Variants in AIMP2 observed in about 807,000 individuals in gnomAD.
The protein encoded by AIMP2 is aminoacyl tRNA synthetase complex interacting multifunctional protein 2, also known as aminoacyl tRNA synthase complex-interacting multifunctional protein 2.
AIMP2 carries 20 observed loss-of-function variants against 23.4 expected under a neutral mutation model. The ratio of observed to expected loss-of-function variants is 0.85; its 90% CI spans 0.60 to 1.24. The LOEUF (loss-of-function observed/expected upper bound fraction) is 1.24, where lower values mean the gene tolerates loss of function less well. Among genes scored for constraint, AIMP2 ranks in the 50% most tolerant of loss-of-function variants. The pLI, the probability that AIMP2 is intolerant of heterozygous loss-of-function variation, is 0.00. For missense variants in AIMP2, 515 were observed against 414.5 expected (o/e 1.24, Z -2.10); for synonymous variants, 210 against 170.4 (o/e 1.23, Z -1.81).
At chr7:6,011,737 C>T (rs10951974) in intron 1 of AIMP2, among the ~76,000 whole-genome samples, 51,497 of 152,054 alleles carry the variant, frequency 0.34, 9,461 homozygotes, top group Non-Finnish European at 0.41. Context: ...GGAAACAGGG[C>T]CCAGTCACCC....
intron 2 of AIMP2, among the ~76,000 whole-genome samples, chr7:6,015,583 G>C (rs2128878255): frequency 6.6e-6 from 1 of 152,318 alleles, no homozygotes; most frequent in Admixed American, 6.5e-5. Flanking sequence ...AATTCGCCGG[G>C]CGTGGTGGCG....
chr7:6,018,984 CACACACAA>C (rs1330150591), intron 3 of AIMP2, among the ~76,000 whole-genome samples: 3 of 150,810 alleles, frequency 2.0e-5, no homozygotes, highest in Non-Finnish European at 3.0e-5. Flanking sequence ...CACACACACA[CACACACAA>C]TACATGGCAC....
chr7:6,021,385 A>C lies in AIMP2; in HGVS notation c.575-1918A>C, dbSNP rs1470312793. ...GAGAACCCTGATTAGAACATCTTGA[A>C]GAGTCTGGAAGGATTACATCATTGA... On this transcript the variant is annotated intron_variant, in intron 3 of 3. Transcript: ENST00000223029. Among the ~76,000 whole-genome samples, 3 of 151,788 alleles carry C rather than the reference A, an allele frequency of 2.0e-5. No homozygotes were observed. In the East Asian group the frequency reaches 5.8e-4, roughly 29 times the overall value.
At chr7:6,019,806 G>A (rs1189910796) in intron 3 of AIMP2, among the ~76,000 whole-genome samples, 4 of 152,020 alleles carry the variant, frequency 2.6e-5, no homozygotes, top group African/African-American at 7.2e-5. Context: ...GGCAGATCAC[G>A]AGGTTAAGAG....
At chr7:6,010,611 G>T (rs1404357156) in intron 1 of AIMP2, among the ~76,000 whole-genome samples, 1 of 151,798 alleles carries the variant, frequency 6.6e-6, no homozygotes, top group Non-Finnish European at 1.5e-5. Flanking sequence ...ACTGGACCCG[G>T]CTAATTTTTC....
intron 1 of AIMP2, among the ~76,000 whole-genome samples, chr7:6,014,250 CTTTTTTTTTTTT>C (rs57008315): frequency 3.0e-5 from 2 of 67,542 alleles, no homozygotes; most frequent in African/African-American, 1.2e-4. Flanking sequence ...TTTGTTGAAG[CTTTTTTTTTTTT>C]TTTTTTTTTT....
chr7:6,014,857 T>G, intron 1 of AIMP2: 3 of 372,278 alleles, frequency 8.1e-6, no homozygotes, highest in South Asian at 5.1e-5. Flanking sequence ...GTAGCTGGGA[T>G]TACAGTTGCG....
chr7:6,018,294 G>A (rs759565860), intron 3 of AIMP2, among the ~76,000 whole-genome samples: 4 of 150,886 alleles, frequency 2.7e-5, no homozygotes, highest in African/African-American at 4.9e-5. Flanking sequence ...TTACAGGCGC[G>A]CACCACCAGG....
chr7:6,020,832 G>C (rs1462964540), intron 3 of AIMP2, among the ~76,000 whole-genome samples: 1 of 152,208 alleles, frequency 6.6e-6, no homozygotes, highest in African/African-American at 2.4e-5. Flanking sequence ...CAGGATTGAA[G>C]GCACGCAGGG....
rs560844337 is a variant in AIMP2, at chr7:6,017,997, C to A, written c.526C>A (p.Gln176Lys). Residue 176 changes from glutamine to lysine, a missense_variant, in exon 3 of 4, where the codon CAG (glutamine) becomes AAG (lysine). Coordinates refer to ENST00000223029, the MANE Select transcript of AIMP2 (RefSeq NM_006303.4). ...GTGCTTTGGAGAACAGAATAAAAAA[C>A]AGCCCCGCCAAGACTATCAGCTGGG... The part of the protein sequence containing the change: ...LKCFGEQNKK[Q>K]PRQDYQLGFT... 4.3e-6 allele frequency: 7 copies of A among 1,614,026 alleles called. No homozygotes were observed. The South Asian group carries it at 7.7e-5, about 18-fold the overall frequency.
At chr7:6,023,157 A>C in intron 3 of AIMP2, 146 bp from the exon 4 acceptor site, 1 of 948,298 alleles carries the variant, frequency 1.1e-6, no homozygotes, top group Non-Finnish European at 1.5e-6. Flanking sequence ...TCTTAGAGAC[A>C]GACTGAAAAT....
intron 3 of AIMP2, chr7:6,023,069 C>T: frequency 1.9e-6 from 1 of 512,974 alleles, no homozygotes; most frequent in Non-Finnish European, 3.3e-6. Flanking sequence ...TCAGAAGTGT[C>T]ATAATCAAAT....
Position 6,019,932 on chromosome 7 carries a change from A to G in AIMP2, c.574+1887A>G, listed in dbSNP as rs186473574. ...AGCTACTTGGAAGCCTGAGGCAGGA[A>G]AATCGCTTCAACCTGGGAGGTGGAG... On this transcript the variant is annotated intron_variant, in intron 3 of 3. Coordinates refer to ENST00000223029, the MANE Select transcript of AIMP2 (RefSeq NM_006303.4). 6.6e-3 allele frequency among the ~76,000 whole-genome samples: 998 copies of G among 151,662 alleles called. 2 individuals carry two copies. The highest frequency in any genetic ancestry group is 0.011 in the Non-Finnish European group (735 of 67,856).
rs1335537270 is a variant in AIMP2 at position 6,017,989 on chromosome 7, A to G, written c.518A>G (p.Asn173Ser). Residue 173 changes from asparagine to serine, a missense_variant, in exon 3 of 4, where the codon AAT (asparagine) becomes AGT (serine). Coordinates refer to ENST00000223029, the MANE Select transcript of AIMP2 (RefSeq NM_006303.4). ...ENLLKCFGEQ[N>S]KKQPRQDYQL... ...CTTCTCAAGTGCTTTGGAGAACAGA[A>G]TAAAAAACAGCCCCGCCAAGACTAT... is the stretch of plus-strand genomic sequence containing the variant. 6.2e-7 allele frequency: 1 copy of G among 1,614,050 alleles called. No homozygotes were observed. Among genetic ancestry groups the G allele is most frequent in the Non-Finnish European group, 8.5e-7 (1 of 1,180,018 alleles).
intron 1 of AIMP2, chr7:6,013,155 G>A (rs1237044952): frequency 5.9e-6 from 1 of 168,912 alleles, no homozygotes; most frequent in African/African-American, 2.4e-5. Flanking sequence ...GGTAGCCAGA[G>A]GCCAAATGAT....
chr7:6,013,040 G>A, intron 1 of AIMP2: 1 of 876,716 alleles, frequency 1.1e-6, no homozygotes, highest in Non-Finnish European at 1.4e-6. Context: ...CAGATGGAGG[G>A]AACAGCACAT....
intron 2 of AIMP2, 108 bp downstream of exon 2, chr7:6,015,460 C>T: frequency 3.3e-6 from 4 of 1,213,416 alleles, no homozygotes; most frequent in South Asian, 2.7e-5. Context: ...CGTGGTGGCT[C>T]ACGCCTGTAA....
chr7:6,020,928 C>G (rs1002159428), intron 3 of AIMP2, among the ~76,000 whole-genome samples: 3 of 152,180 alleles, frequency 2.0e-5, no homozygotes, highest in Non-Finnish European at 2.9e-5. Context: ...ACACCTGAGA[C>G]TTAACGGGAA....
At chr7:6,019,970 T>C (rs1201863445) in intron 3 of AIMP2, among the ~76,000 whole-genome samples, 1 of 143,282 alleles carries the variant, frequency 7.0e-6, no homozygotes, top group South Asian at 2.1e-4. Context: ...TGCAGTCAGC[T>C]GAAGTCGCAC....
Sources: gnomAD v4.1 joint callset for allele counts (sites outside exome capture counted in the v4.1 genomes callset) on GRCh38, gnomAD v4.1.1 for gene constraint, MANE v1.5 for transcripts, NCBI Gene and HGNC (gene_info 2026-07-23, HGNC 2026-07-21) for gene names.